HIVEP3: variants seen among roughly 807,000 people sequenced by gnomAD.
HIVEP3 encodes transcription factor HIVEP3.
A neutral mutation model predicts 152.8 loss-of-function variants in HIVEP3; 49 were observed. The ratio of observed to expected loss-of-function variants is 0.32; its 90% CI spans 0.26 to 0.41. The LOEUF is 0.41. HIVEP3 is among the 10% of genes least tolerant of loss of function. The probability of loss-of-function intolerance (pLI) is 1.00; values close to 1 mark genes in which losing one functional copy is unlikely to be tolerated. For synonymous variants in HIVEP3, 1,269 were observed against 1,289.0 expected, an observed-to-expected ratio of 0.98 and a Z score of 0.33; for missense variants, 2,790 against 3,103.3, an observed-to-expected ratio of 0.90 and a Z score of 2.40.
chr1:41,781,664 T>A (rs938287986), intron 1 of HIVEP3, among the ~76,000 whole-genome samples: 1 of 152,304 alleles, frequency 6.6e-6, no homozygotes, highest in East Asian at 1.9e-4. Context: ...CCAGGGTCAA[T>A]GGGATAGAGA....
In HIVEP3 at chr1:41,512,981, T is replaced by C. The variant is rs780012174; in HGVS notation, c.6240A>G (p.Pro2080=). The C allele has an allele frequency of 3.1e-6, 5 of 1,612,960 alleles. No homozygotes were observed. The Admixed American group carries it at 8.3e-5, about 27-fold the overall frequency. ...ACTTCCCTGGCGGCGCTGACCGTGGTGGTGACTCGGCCTGACCTGGAGACC... is the reference window on the plus strand; with the variant it reads ...ACTTCCCTGGCGGCGCTGACCGTGGCGGTGACTCGGCCTGACCTGGAGACC... ...RRWSPGQAES[P]PRSAPPGKWA... The change falls in exon 8 of 9, where the codon CCA becomes CCG. Residue 2080 remains proline (P), a synonymous_variant. Transcript: ENST00000372583.
At chr1:41,754,950 G>A (rs915492082) in intron 1 of HIVEP3, among the ~76,000 whole-genome samples, 2 of 152,118 alleles carry the variant, frequency 1.3e-5, no homozygotes, top group African/African-American at 2.4e-5. Context: ...TTGGTAATAC[G>A]TTATCACAAG....
At chr1:41,616,612 T>G (rs1377201678) in intron 3 of HIVEP3, among the ~76,000 whole-genome samples, 1 of 133,528 alleles carries the variant, frequency 7.5e-6, no homozygotes, top group Non-Finnish European at 1.6e-5. Context: ...GTGGGGAAGA[T>G]GGGGAGCCTT....
intron 1 of HIVEP3, among the ~76,000 whole-genome samples, chr1:41,797,690 T>A (rs2124307570): frequency 1.3e-5 from 2 of 152,252 alleles, no homozygotes; most frequent in Admixed American, 1.3e-4. Context: ...AATACTTGAA[T>A]TTGTTTTAAA....
chr1:41,688,091 T>C (rs1212244491), intron 2 of HIVEP3, among the ~76,000 whole-genome samples: 1 of 152,246 alleles, frequency 6.6e-6, no homozygotes, highest in Non-Finnish European at 1.5e-5. Flanking sequence ...TTCTTGTTGA[T>C]AGTTCCTGAC....
chr1:41,612,547 G>C lies in HIVEP3; in HGVS notation c.-522+16202C>G, dbSNP rs538568771. Reference sequence around the variant, plus strand: ...ACTTCGTTTTGCAGATGAGGAAACAGAGGTTCAGAGAGGTGGAAAGTGGCT... The same window carrying C: ...ACTTCGTTTTGCAGATGAGGAAACACAGGTTCAGAGAGGTGGAAAGTGGCT... On this transcript the variant is annotated intron_variant, in intron 3 of 8. Coordinates refer to ENST00000372583, the MANE Select transcript of HIVEP3 (RefSeq NM_024503.5). 1.1e-4 allele frequency among the ~76,000 whole-genome samples: 16 copies of C among 152,306 alleles called. No homozygotes were observed. In the South Asian group the frequency reaches 2.9e-3, roughly 28 times the overall value.
intron 1 of HIVEP3, among the ~76,000 whole-genome samples, chr1:42,033,622 G>A (rs1285886795): frequency 6.6e-6 from 1 of 152,176 alleles, no homozygotes; most frequent in Non-Finnish European, 1.5e-5. Context: ...CACCAATGAG[G>A]AATTGAAAGG....
intron 1 of HIVEP3, among the ~76,000 whole-genome samples, chr1:41,747,934 T>C (rs1201217049): frequency 6.6e-6 from 1 of 152,246 alleles, no homozygotes; most frequent in Non-Finnish European, 1.5e-5. Flanking sequence ...TTGATGGTCT[T>C]AAGGCAGTAA....
chr1:42,016,923 A>G (rs1430902927), intron 1 of HIVEP3, among the ~76,000 whole-genome samples: 1 of 152,182 alleles, frequency 6.6e-6, no homozygotes, highest in East Asian at 1.9e-4. Context: ...ATTCCTAGAA[A>G]TGTACTGTTA....
intron 1 of HIVEP3, among the ~76,000 whole-genome samples, chr1:41,819,656 G>C (rs1182758580): frequency 6.6e-6 from 1 of 152,124 alleles, no homozygotes; most frequent in East Asian, 1.9e-4. Flanking sequence ...TGGGGGATTA[G>C]TTATCTTTTA....
At chr1:41,608,616 T>C (rs1328907292) in intron 3 of HIVEP3, among the ~76,000 whole-genome samples, 8 of 152,224 alleles carry the variant, frequency 5.3e-5, no homozygotes, top group African/African-American at 1.9e-4. Flanking sequence ...GAGACAAAAA[T>C]CACTGAGACT....
At chr1:41,604,540 G>A (rs566293086) in intron 3 of HIVEP3, among the ~76,000 whole-genome samples, 16 of 152,276 alleles carry the variant, frequency 1.1e-4, no homozygotes, top group Middle Eastern at 3.4e-3. Flanking sequence ...ATGGGATTAG[G>A]TGTCTCATAA....
chr1:42,029,096 G>A (rs901025371), intron 1 of HIVEP3, among the ~76,000 whole-genome samples: 1 of 152,284 alleles, frequency 6.6e-6, no homozygotes, highest in African/African-American at 2.4e-5. Flanking sequence ...TCTGGCTAAG[G>A]AATACCAGGG....
At chr1:41,866,104 G>A (rs1643966844) in intron 1 of HIVEP3, among the ~76,000 whole-genome samples, 1 of 152,210 alleles carries the variant, frequency 6.6e-6, no homozygotes, top group Non-Finnish European at 1.5e-5. Context: ...CTCACACCAG[G>A]CAGATCCACA....
chr1:41,643,609 A>G (rs765287193), intron 2 of HIVEP3, among the ~76,000 whole-genome samples: 6 of 152,240 alleles, frequency 3.9e-5, no homozygotes, highest in Non-Finnish European at 7.3e-5. Flanking sequence ...TGCCTGGACC[A>G]AAGGTTGCCC....
At chr1:41,917,701 A>G (rs1193585072) in intron 1 of HIVEP3, among the ~76,000 whole-genome samples, 1 of 152,180 alleles carries the variant, frequency 6.6e-6, no homozygotes, top group Non-Finnish European at 1.5e-5. Flanking sequence ...AATGTGGGGC[A>G]TAACTTGGAG....
At chr1:41,657,453 C>T (rs1645645916) in intron 2 of HIVEP3, among the ~76,000 whole-genome samples, 1 of 152,226 alleles carries the variant, frequency 6.6e-6, no homozygotes, top group Non-Finnish European at 1.5e-5. Flanking sequence ...CACCCAAAGA[C>T]TGATGTTTAT....
rs1039086242 is a variant in HIVEP3, at chr1:41,581,207, A to G, written c.3591T>C (p.Val1197=). The change falls in exon 4 of 9, where the codon GTT becomes GTC. Residue 1197 remains valine, a synonymous_variant. Transcript: ENST00000372583. The surrounding 1 kb of genome is among the most constrained non-coding windows in gnomAD (Gnocchi z 4.5). ...GGAGATGGAGTTGGCCTGGGTGCAG[A>G]ACAGTAGGCTGGAGAGGAAGCGGTG... is the stretch of plus-strand genomic sequence containing the variant. ...QAPPLPLQPT[V]LHPGQLHLPQ... The G allele has an allele frequency of 6.4e-7, 1 of 1,568,164 alleles. No homozygotes were observed. The highest frequency in any genetic ancestry group is 1.4e-5 in the African/African-American group (1 of 73,836).
intron 5 of HIVEP3, among the ~76,000 whole-genome samples, chr1:41,566,720 C>T (rs1464274064): frequency 3.3e-5 from 5 of 152,156 alleles, no homozygotes; most frequent in East Asian, 1.9e-4. Flanking sequence ...CTGTCCTCAC[C>T]GGGCTGAGCC....
Sources: allele counts gnomAD v4.1 joint callset (sites outside exome capture counted in the v4.1 genomes callset), GRCh38; gene constraint gnomAD v4.1.1; non-coding constraint Gnocchi (gnomAD v3.1); transcripts MANE v1.5; gene names NCBI Gene and HGNC (gene_info 2026-07-23, HGNC 2026-07-21).